Variants in DSE observed in about 807,000 individuals in gnomAD.
DSE encodes dermatan-sulfate epimerase.
DSE carries 36 observed loss-of-function variants against 84.4 expected under a neutral mutation model. The ratio of observed to expected loss-of-function variants is 0.43; its 90% CI spans 0.33 to 0.56. The LOEUF (loss-of-function observed/expected upper bound fraction) is 0.56, where lower values mean the gene tolerates loss of function less well. Among genes scored for constraint, DSE ranks in the 20% least tolerant of loss-of-function variants. DSE has a pLI of 0.06. For synonymous variants in DSE, 410 were observed against 430.1 expected, an observed-to-expected ratio of 0.95 and a Z score of 0.58; for missense variants, 862 against 1,169.6, an observed-to-expected ratio of 0.74 and a Z score of 3.84.
chr6:116,353,227 C>G (rs1212031395), intron 2 of DSE, among the ~76,000 whole-genome samples: 1 of 152,140 alleles, frequency 6.6e-6, no homozygotes, highest in Admixed American at 6.6e-5. Context: ...ATGATGACCT[C>G]TAACTTCTGG....
chr6:116,329,493 GA>G (rs1776813648), intron 2 of DSE, among the ~76,000 whole-genome samples: 1 of 151,972 alleles, frequency 6.6e-6, no homozygotes, highest in African/African-American at 2.4e-5. Flanking sequence ...TGATCCCAAA[GA>G]AAAAAGGATA....
intron 1 of DSE, among the ~76,000 whole-genome samples, chr6:116,391,205 G>A (rs1030883606): frequency 6.6e-6 from 1 of 152,172 alleles, no homozygotes; most frequent in Non-Finnish European, 1.5e-5. Flanking sequence ...AAACCTTTCA[G>A]GGGACAATGA....
At position 116,435,636 on chromosome 6, in the gene DSE, A is replaced by C; in HGVS notation, c.1168A>C (p.Thr390Pro). The C allele has an allele frequency of 6.2e-7, 1 of 1,613,536 alleles. No homozygotes were observed. The highest frequency in any genetic ancestry group is 8.5e-7 in the Non-Finnish European group (1 of 1,179,622). The change falls in exon 6 of 6, where the codon ACA becomes CCA. Residue 390 changes from threonine (T) to proline (P), a missense_variant. Around this residue, in one of 4 missense-constraint regions of DSE, gnomAD observed 309 missense variants for 516.9 expected, o/e 0.60. Coordinates refer to ENST00000644252, the MANE Select transcript of DSE (RefSeq NM_013352.4). ...SVPPPDFGTP[T>P]LHYFEDWGVV... is the part of the protein sequence containing the mutation. ...TCCTCCTCCAGACTTTGGCACCCCTACACTGCATTATTTTGAAGACTGGGG... is the reference window on the plus strand; with the variant it reads ...TCCTCCTCCAGACTTTGGCACCCCTCCACTGCATTATTTTGAAGACTGGGG...
At chr6:116,327,482 T>C (rs1162752996) in intron 2 of DSE, among the ~76,000 whole-genome samples, 2 of 152,124 alleles carry the variant, frequency 1.3e-5, no homozygotes, top group Non-Finnish European at 1.5e-5. Flanking sequence ...ACCTATGATG[T>C]TGGGGTTTCA....
At chr6:116,280,287 T>A (rs1442408957) in intron 2 of DSE, 5 of 223,454 alleles carry the variant, frequency 2.2e-5, no homozygotes, top group African/African-American at 1.1e-4. Context: ...TTACTCCACG[T>A]AACTAGCAGC....
At position 116,340,881 on chromosome 6, in the gene DSE, T is replaced by C. The variant is rs1175625553; in HGVS notation, c.-53-58317T>C. ...TATGTGCCATATTTTCTTTATCCAG[T>C]CTATCAATGATGGACATTTGGGTTG... is the stretch of plus-strand genomic sequence containing the variant. On this transcript the variant is annotated intron_variant, in intron 2 of 3. Transcript: ENST00000430252. Among the ~76,000 whole-genome samples the C allele has an allele frequency of 2.6e-5, 4 of 152,216 alleles. No individual in the cohort carries two copies. The East Asian group carries it at 7.7e-4, about 29-fold the overall frequency.
intron 2 of DSE, chr6:116,277,151 A>G (rs186926066): frequency 6.5e-6 from 1 of 152,756 alleles, no homozygotes; most frequent in East Asian, 1.9e-4. Context: ...ATCAGAAAAA[A>G]AAATTTTACT....
At chr6:116,334,606 C>A (rs574295684) in intron 2 of DSE, among the ~76,000 whole-genome samples, 3 of 152,142 alleles carry the variant, frequency 2.0e-5, no homozygotes, top group African/African-American at 7.2e-5. Flanking sequence ...CCCATTCCTA[C>A]GTCCAGAATG....
chr6:116,306,545 C>G (rs1775358869), intron 2 of DSE, among the ~76,000 whole-genome samples: 2 of 152,298 alleles, frequency 1.3e-5, no homozygotes, highest in Non-Finnish European at 2.9e-5. Flanking sequence ...GCTGTTTGCT[C>G]TATAAGGTAA....
At chr6:116,311,128 A>G (rs1232913355) in intron 2 of DSE, among the ~76,000 whole-genome samples, 4 of 152,116 alleles carry the variant, frequency 2.6e-5, no homozygotes, top group Non-Finnish European at 5.9e-5. Context: ...CTCAAATGCC[A>G]CCTCTTCAAA....
At chr6:116,397,213 T>C (rs1341113895) in intron 1 of DSE, among the ~76,000 whole-genome samples, 7 of 147,206 alleles carry the variant, frequency 4.8e-5, no homozygotes, top group Non-Finnish European at 7.5e-5. Context: ...CTTTCTTTTT[T>C]TTTTTTTTTT....
At chr6:116,403,952 A>G (rs537050771) in intron 2 of DSE, among the ~76,000 whole-genome samples, 62 of 152,316 alleles carry the variant, frequency 4.1e-4, no homozygotes, top group Non-Finnish European at 7.2e-4. Context: ...AGCAAAGTTT[A>G]CTAAAACCTT....
Position 116,294,904 on chromosome 6 carries a change from G to A in DSE, c.-54+35937G>A, listed in dbSNP as rs538025225. Among the ~76,000 whole-genome samples the A allele has an allele frequency of 8.5e-5, 13 of 152,232 alleles. No individual in the cohort carries two copies. In the South Asian group the frequency reaches 2.7e-3, roughly 32 times the overall value. On this transcript the variant is annotated intron_variant, in intron 2 of 3. Coordinates refer to the DSE transcript ENST00000430252. Reference sequence around the variant, plus strand: ...CACCCCATCTCAAAGCCCTAAAGGTGGTTAAATGAGTAGACTACTCACCAA... The same window carrying A: ...CACCCCATCTCAAAGCCCTAAAGGTAGTTAAATGAGTAGACTACTCACCAA...
chr6:116,430,581 G>T (rs1035862072), intron 3 of DSE, among the ~76,000 whole-genome samples: 32 of 151,042 alleles, frequency 2.1e-4, no homozygotes, highest in African/African-American at 7.8e-4. Context: ...TCGCTTTGTC[G>T]CCCTGGCTGG....
At chr6:116,271,144 A>T (rs1772860850) in intron 2 of DSE, among the ~76,000 whole-genome samples, 1 of 152,230 alleles carries the variant, frequency 6.6e-6, no homozygotes, top group Non-Finnish European at 1.5e-5. Context: ...TAATGGTAAC[A>T]ATTAAGGAAA....
At chr6:116,368,924 G>A (rs958041572), upstream of DSE, among the ~76,000 whole-genome samples, 4 of 150,386 alleles carry the variant, frequency 2.7e-5, no homozygotes, top group East Asian at 6.0e-4. Context: ...CTGTAATGGG[G>A]TGGGCGGGGG....
chr6:116,388,696 TC>T (rs1340231656), intron 1 of DSE, among the ~76,000 whole-genome samples: 1 of 152,264 alleles, frequency 6.6e-6, no homozygotes, highest in Non-Finnish European at 1.5e-5. Context: ...GTAATTTTTT[TC>T]ATCTGTTGCA....
At chr6:116,426,443 G>T in intron 2 of DSE, 131 bp from the exon 3 acceptor site, 3 of 1,211,156 alleles carry the variant, frequency 2.5e-6, no homozygotes, top group Non-Finnish European at 3.4e-6. Context: ...AGGGAAGTCA[G>T]TTGTGTGTCA....
chr6:116,421,047 A>G (rs377330904), intron 2 of DSE, among the ~76,000 whole-genome samples: 1 of 152,216 alleles, frequency 6.6e-6, no homozygotes, highest in African/African-American at 2.4e-5. Flanking sequence ...GTTATGGCTC[A>G]TTCTTCCTTT....
Sources: allele counts gnomAD v4.1 joint callset (sites outside exome capture counted in the v4.1 genomes callset), GRCh38; gene constraint gnomAD v4.1.1; regional missense constraint gnomAD v4.1.1; transcripts MANE v1.5; gene names NCBI Gene and HGNC (gene_info 2026-07-23, HGNC 2026-07-21).